CPQ: variants seen among roughly 807,000 people sequenced by gnomAD.
CPQ encodes the protein carboxypeptidase Q.
Under a neutral mutation model 45.7 loss-of-function variants are expected in CPQ, and 37 were observed. The observed-to-expected ratio is 0.81, with a 90% CI of 0.62 to 1.07. CPQ has a LOEUF of 1.07. Among genes scored for constraint, CPQ ranks in the 50% least tolerant of loss-of-function variants. CPQ has a pLI of 0.00. For synonymous variants in CPQ, 186 were observed against 205.8 expected, an observed-to-expected ratio of 0.90 and a Z score of 0.82; for missense variants, 537 against 572.9, an observed-to-expected ratio of 0.94 and a Z score of 0.64.
chr8:97,012,551 A>G lies in CPQ; in HGVS notation c.962-16852A>G, dbSNP rs544893185. ...TCTGCATGGATTTGGTTTCATTTCA[A>G]AAACGGAGTGTTCACAGACTGAATA... On this transcript the variant is annotated intron_variant, in intron 5 of 7. Coordinates refer to ENST00000220763, the MANE Select transcript of CPQ (RefSeq NM_016134.4). 2.0e-5 allele frequency among the ~76,000 whole-genome samples: 3 copies of G among 152,270 alleles called. No individual in the cohort carries two copies. The South Asian group carries it at 6.2e-4, about 32-fold the overall frequency.
At chr8:96,667,662 T>C (rs981231336) in intron 1 of CPQ, among the ~76,000 whole-genome samples, 4 of 152,132 alleles carry the variant, frequency 2.6e-5, no homozygotes, top group Non-Finnish European at 5.9e-5. Context: ...TCTCCTTTTC[T>C]AAATGAACCT....
At chr8:96,734,243 G>A (rs1287711491) in intron 1 of CPQ, among the ~76,000 whole-genome samples, 1 of 152,140 alleles carries the variant, frequency 6.6e-6, no homozygotes, top group East Asian at 1.9e-4. Context: ...ATCTGGGACC[G>A]GATCACATTA....
chr8:97,143,290 C>A lies in CPQ; in HGVS notation c.*107C>A. ...AATTTCATCCAATTCATCTTCAAAG[C>A]ACAACTCTATTTCATGCTTTCTGTT... On this transcript the variant is annotated 3_prime_UTR_variant, in exon 8 of 8. Transcript: ENST00000220763. 1 of 1,019,476 alleles carries A rather than the reference C, an allele frequency of 9.8e-7. No homozygotes were observed. The highest frequency in any genetic ancestry group is 1.4e-6 in the Non-Finnish European group (1 of 690,122). 63.2% of individuals were successfully genotyped at this position (1,019,476 alleles called of 1,614,324 possible).
intron 7 of CPQ, among the ~76,000 whole-genome samples, chr8:97,125,821 G>A (rs886339509): frequency 3.9e-5 from 6 of 152,154 alleles, no homozygotes; most frequent in Non-Finnish European, 7.4e-5. Context: ...AAAGATTCCC[G>A]TTCTCACCAC....
At chr8:96,903,320 C>T (rs759849570) in intron 4 of CPQ, among the ~76,000 whole-genome samples, 1 of 152,212 alleles carries the variant, frequency 6.6e-6, no homozygotes, top group Non-Finnish European at 1.5e-5. Flanking sequence ...TAGTTCTTAA[C>T]AGCACTTCAC....
At chr8:96,922,960 A>G (rs759167268) in intron 4 of CPQ, among the ~76,000 whole-genome samples, 2 of 152,202 alleles carry the variant, frequency 1.3e-5, no homozygotes, top group East Asian at 1.9e-4. Context: ...ATTGGGTGGC[A>G]TAGCCCATAA....
chr8:96,648,734 A>C (rs1233999408), intron 1 of CPQ, among the ~76,000 whole-genome samples: 1 of 152,114 alleles, frequency 6.6e-6, no homozygotes, highest in East Asian at 1.9e-4. Flanking sequence ...GACTTTGCAG[A>C]GAAGGTGAAT....
chr8:97,001,373 T>G (rs1258974267), intron 5 of CPQ, among the ~76,000 whole-genome samples: 1 of 152,204 alleles, frequency 6.6e-6, no homozygotes, highest in Non-Finnish European at 1.5e-5. Context: ...TGATGTTGGC[T>G]GTGGGTTTGC....
At chr8:96,855,021 T>G (rs1318180307) in intron 3 of CPQ, among the ~76,000 whole-genome samples, 1 of 152,152 alleles carries the variant, frequency 6.6e-6, no homozygotes, top group Non-Finnish European at 1.5e-5. Context: ...CATTCTGAAA[T>G]TCAAGGCTTG....
At chr8:96,977,982 A>AT (rs1813817619) in intron 5 of CPQ, among the ~76,000 whole-genome samples, 3 of 152,148 alleles carry the variant, frequency 2.0e-5, no homozygotes, top group African/African-American at 4.8e-5. Context: ...AATAAAAAAA[A>AT]ATTTTTTAAA....
rs539358794 is a variant in CPQ at position 96,940,651 on chromosome 8, C to T, written c.850-25284C>T. ...TGTATTTCTTGAGTTCACTTCAGTT[C>T]TTAAGATAAAGTAGGTTCTACTGAG... On this transcript the variant is annotated intron_variant, in intron 4 of 7. Transcript: ENST00000220763. 2.0e-5 allele frequency among the ~76,000 whole-genome samples: 3 copies of T among 152,280 alleles called. No homozygotes were observed. In the South Asian group the frequency reaches 6.2e-4, roughly 32 times the overall value.
rs113626814 is a variant in CPQ, at chr8:96,878,761, G to A, written c.642-1037G>A. Among the ~76,000 whole-genome samples the A allele has an allele frequency of 8.2e-3, 1,253 of 152,326 alleles. 13 individuals carry two copies. The highest frequency in any genetic ancestry group is 0.028 in the African/African-American group (1,167 of 41,566). On this transcript the variant is annotated intron_variant, in intron 3 of 7. Transcript: ENST00000220763. ...ATAAGCACCAAGCTATCATCTGTTG[G>A]AGAGAAATGTGTTGTGGGTGAAAGG... is the stretch of plus-strand genomic sequence containing the variant.
At chr8:96,908,140 GTGTC>G (rs1291300926) in intron 4 of CPQ, among the ~76,000 whole-genome samples, 95 of 144,800 alleles carry the variant, frequency 6.6e-4, no homozygotes, top group African/African-American at 2.3e-3. Flanking sequence ...GTGTGTGTGT[GTGTC>G]TGTGTGTGTG....
At chr8:96,995,057 G>A (rs1280901763) in intron 5 of CPQ, among the ~76,000 whole-genome samples, 1 of 152,004 alleles carries the variant, frequency 6.6e-6, no homozygotes, top group Non-Finnish European at 1.5e-5. Flanking sequence ...TACAGGTCTT[G>A]ATAACTAGCA....
chr8:96,648,817 G>C (rs1441656946), intron 1 of CPQ, among the ~76,000 whole-genome samples: 2 of 152,168 alleles, frequency 1.3e-5, no homozygotes, highest in Non-Finnish European at 2.9e-5. Flanking sequence ...AACAACAAGA[G>C]CAAGGAAAAG....
chr8:96,799,735 A>T (rs1486937723), intron 2 of CPQ, among the ~76,000 whole-genome samples: 1 of 152,158 alleles, frequency 6.6e-6, no homozygotes, highest in African/African-American at 2.4e-5. Flanking sequence ...TTTGTCTGTG[A>T]CTATAGGGGT....
intron 7 of CPQ, among the ~76,000 whole-genome samples, chr8:97,100,332 G>A (rs1239843820): frequency 2.6e-5 from 4 of 152,192 alleles, no homozygotes; most frequent in Non-Finnish European, 5.9e-5. Flanking sequence ...TGAAGACAGT[G>A]GAGTTGAGCA....
chr8:97,036,480 T>A (rs1341304891), intron 6 of CPQ, among the ~76,000 whole-genome samples: 1 of 152,040 alleles, frequency 6.6e-6, no homozygotes, highest in Non-Finnish European at 1.5e-5. Flanking sequence ...ATTATAGGAG[T>A]GGAATTTGAC....
chr8:96,690,884 G>A (rs2130736978), intron 1 of CPQ, among the ~76,000 whole-genome samples: 1 of 152,174 alleles, frequency 6.6e-6, no homozygotes, highest in East Asian at 1.9e-4. Flanking sequence ...TACATCTATG[G>A]TCTTTTATGA....
Sources: allele counts gnomAD v4.1 joint callset (sites outside exome capture counted in the v4.1 genomes callset), GRCh38; gene constraint gnomAD v4.1.1; transcripts MANE v1.5; gene names NCBI Gene and HGNC (gene_info 2026-07-23, HGNC 2026-07-21).